The following MECR variants were observed in gnomAD, a reference collection of about 807,000 sequenced individuals.
MECR encodes enoyl-[acyl-carrier-protein] reductase, mitochondrial.
A neutral mutation model predicts 49.1 loss-of-function variants in MECR; 37 were observed. That is an observed-to-expected ratio of 0.75 (90% CI 0.58 to 0.99). The LOEUF (loss-of-function observed/expected upper bound fraction) is 0.99. MECR is among the 50% of genes least tolerant of loss of function. The pLI, the probability that MECR is intolerant of heterozygous loss-of-function variation, is 0.00. For synonymous variants in MECR, 198 were observed against 191.1 expected (o/e 1.04, Z -0.30); for missense variants, 470 against 479.6 (o/e 0.98, Z 0.19).
chr1:29,168,168 C>T, the MECR span, among the ~76,000 whole-genome samples: 1 of 151,428 alleles, frequency 6.6e-6, no homozygotes, highest in Non-Finnish European at 1.5e-5. Flanking sequence ...GTGTGCACCA[C>T]CATGCCCGGC....
chr1:29,212,225 C>T (rs1336275064), intron 3 of MECR, among the ~76,000 whole-genome samples: 2 of 152,172 alleles, frequency 1.3e-5, no homozygotes, highest in African/African-American at 4.8e-5. Flanking sequence ...TCAAGACCAG[C>T]CTGGCCAACA....
chr1:29,198,598 C>T (rs1401153816), intron 7 of MECR, among the ~76,000 whole-genome samples: 2 of 152,236 alleles, frequency 1.3e-5, no homozygotes, highest in East Asian at 3.9e-4. Flanking sequence ...GGTACTTGAC[C>T]TCTTTGGGCC....
At chr1:29,216,213 C>T in intron 2 of MECR, 77 bp from the exon 3 acceptor site, 2 of 1,555,824 alleles carry the variant, frequency 1.3e-6, no homozygotes, top group Non-Finnish European at 1.8e-6. Flanking sequence ...TCCACGCCAT[C>T]CTAGGCCTGA....
chr1:29,216,547 C>CA, intron 2 of MECR, 41 bp downstream of exon 2: 1 of 1,595,200 alleles, frequency 6.3e-7, no homozygotes, highest in South Asian at 1.1e-5. Context: ...GGCAGCTGAA[C>CA]AAAAAAGCCA....
intron 1 of MECR, among the ~76,000 whole-genome samples, chr1:29,228,662 G>A (rs1048561604): frequency 6.6e-6 from 1 of 152,070 alleles, no homozygotes; most frequent in African/African-American, 2.4e-5. Flanking sequence ...AAGTTCCACA[G>A]AAGGACATAA....
chr1:29,200,916 G>A (rs1407726223), intron 6 of MECR, among the ~76,000 whole-genome samples: 1 of 151,978 alleles, frequency 6.6e-6, no homozygotes, highest in Non-Finnish European at 1.5e-5. Context: ...AGCCTCCCAA[G>A]TAGCTGGGAC....
downstream of MECR, among the ~76,000 whole-genome samples, chr1:29,188,806 A>AT (rs34300997): frequency 0.013 from 2,010 of 151,648 alleles, 20 homozygotes; most frequent in Middle Eastern, 0.082. Flanking sequence ...TACCCGGCTA[A>AT]TTTTTGCATT....
Position 29,203,116 on chromosome 1 carries a change from T to C in MECR, c.653+15A>G. ...CCAAGACATGGTCTGGGATGAAGCC[T>C]CCTTCCCCACGCACCTGTCTCGGAC... On this transcript the variant is annotated intron_variant, in intron 5 of 9. Coordinates refer to ENST00000263702, the MANE Select transcript of MECR (RefSeq NM_016011.5). The C allele has an allele frequency of 6.4e-7, 1 of 1,555,052 alleles. No individual in the cohort carries two copies.
intron 3 of MECR, among the ~76,000 whole-genome samples, chr1:29,212,468 C>A (rs1416526887): frequency 6.6e-6 from 1 of 152,138 alleles, no homozygotes; most frequent in African/African-American, 2.4e-5. Flanking sequence ...GGGAAGAATC[C>A]CTGTTCTGGG....
At chr1:29,208,999 C>T (rs537468195) in intron 3 of MECR, among the ~76,000 whole-genome samples, 1 of 152,280 alleles carries the variant, frequency 6.6e-6, no homozygotes, top group South Asian at 2.1e-4. Context: ...TGTAGCAGGA[C>T]AAAGGACTGG....
At chr1:29,186,922 G>T in the MECR span, among the ~76,000 whole-genome samples, 1 of 152,208 alleles carries the variant, frequency 6.6e-6, no homozygotes, top group African/African-American at 2.4e-5. Flanking sequence ...ACATCTCAAT[G>T]ACATAGGAAA....
chr1:29,197,925 A>G (rs1574261532), intron 7 of MECR, among the ~76,000 whole-genome samples: 1 of 152,342 alleles, frequency 6.6e-6, no homozygotes, highest in South Asian at 2.1e-4. Context: ...AGCAATTTGT[A>G]TATCGCCCAG....
chr1:29,205,826 A>C (rs1280816643), intron 4 of MECR, among the ~76,000 whole-genome samples: 1 of 152,102 alleles, frequency 6.6e-6, no homozygotes, highest in Non-Finnish European at 1.5e-5. Context: ...CTGTCTCAAA[A>C]AAACAGCCGG....
chr1:29,221,312 A>C (rs1461465660), intron 1 of MECR: 1 of 152,216 alleles, frequency 6.6e-6, no homozygotes, highest in Non-Finnish European at 1.5e-5. Flanking sequence ...TGTGGTGCTG[A>C]GGTTGGCTGA....
At chr1:29,211,923 C>T (rs1490504706) in intron 3 of MECR, among the ~76,000 whole-genome samples, 1 of 152,236 alleles carries the variant, frequency 6.6e-6, no homozygotes, top group Non-Finnish European at 1.5e-5. Context: ...CTGTGGCCAA[C>T]TAAGAACTTA....
chr1:29,178,325 T>C, the MECR span, among the ~76,000 whole-genome samples: 1 of 151,448 alleles, frequency 6.6e-6, no homozygotes, highest in East Asian at 2.0e-4. Context: ...ATCTAAAGCA[T>C]CCAAAATCTG....
At chr1:29,182,724 A>G in the MECR span, among the ~76,000 whole-genome samples, 1 of 152,132 alleles carries the variant, frequency 6.6e-6, no homozygotes, top group Non-Finnish European at 1.5e-5. Context: ...TTGTATTTTT[A>G]GGAGAGAGGA....
At chr1:29,179,238 T>C in the MECR span, among the ~76,000 whole-genome samples, 1 of 152,254 alleles carries the variant, frequency 6.6e-6, no homozygotes, top group Non-Finnish European at 1.5e-5. Context: ...TCATAAGGCT[T>C]GATCCATGCT....
rs1365947812 is a variant in MECR, at chr1:29,201,189, C to T, written c.757-600G>A. Among the ~76,000 whole-genome samples, 1 of 152,230 alleles carries T rather than the reference C, an allele frequency of 6.6e-6. No homozygotes were observed. Among genetic ancestry groups the T allele is most frequent in the Non-Finnish European group, 1.5e-5 (1 of 68,038 alleles). ...CTGGGAAAGAATAGGCAAAGGGCAT[C>T]TGCATGCAGTTTGGTGGGTTTCAGC... On this transcript the variant is annotated intron_variant, in intron 6 of 9. Coordinates refer to ENST00000263702, the MANE Select transcript of MECR (RefSeq NM_016011.5). The surrounding 1 kb of genome is among the most constrained non-coding windows in gnomAD (Gnocchi z 4.3).
Sources: gnomAD v4.1 joint callset for allele counts (sites outside exome capture counted in the v4.1 genomes callset) on GRCh38, gnomAD v4.1.1 for gene constraint, Gnocchi (gnomAD v3.1) non-coding constraint, MANE v1.5 for transcripts, NCBI Gene and HGNC (gene_info 2026-07-23, HGNC 2026-07-21) for gene names.